ANO1: variants seen among roughly 807,000 people sequenced by gnomAD.
ANO1 encodes the protein anoctamin-1.
ANO1 carries 59 observed loss-of-function variants against 124.0 expected under a neutral mutation model. The ratio of observed to expected loss-of-function variants is 0.48; its 90% CI spans 0.39 to 0.59. The LOEUF (loss-of-function observed/expected upper bound fraction) is 0.59, where lower values mean the gene tolerates loss of function less well. ANO1 is among the 20% of genes least tolerant of loss of function. ANO1 has a pLI of 0.00. For synonymous variants in ANO1, 529 were observed against 532.0 expected (o/e 0.99, Z 0.08); for missense variants, 1,059 against 1,328.0 (o/e 0.80, Z 3.15).
At chr11:70,150,386 A>G (rs2047556857) in intron 12 of ANO1, among the ~76,000 whole-genome samples, 1 of 152,340 alleles carries the variant, frequency 6.6e-6, no homozygotes, top group Middle Eastern at 3.4e-3. Flanking sequence ...ACTCCCAGGG[A>G]TCCCAAGTCC....
chr11:70,167,215 C>T (rs762098312), intron 20 of ANO1, 27 bp from the exon 21 acceptor site: 4 of 1,612,572 alleles, frequency 2.5e-6, no homozygotes, highest in South Asian at 1.1e-5. Flanking sequence ...TCCTGCAAAC[C>T]TAACTGCATG....
At chr11:70,126,982 G>A (rs1312770355) in intron 10 of ANO1, among the ~76,000 whole-genome samples, 3 of 119,800 alleles carry the variant, frequency 2.5e-5, no homozygotes, top group East Asian at 2.7e-4. Context: ...ACTTGCGGGA[G>A]GTGAGACATG....
intron 22 of ANO1, among the ~76,000 whole-genome samples, chr11:70,176,792 C>A (rs942013383): frequency 6.6e-6 from 1 of 152,060 alleles, no homozygotes; most frequent in Admixed American, 6.5e-5. Context: ...GTTCGGGGGA[C>A]CCTTAGAATT....
At chr11:70,052,913 G>A (rs1475159064) in intron 1 of ANO1, among the ~76,000 whole-genome samples, 1 of 152,064 alleles carries the variant, frequency 6.6e-6, no homozygotes, top group Non-Finnish European at 1.5e-5. Flanking sequence ...GGACCATCCT[G>A]CCATTCATTC....
At chr11:70,126,534 T>G (rs1347718566) in intron 10 of ANO1, among the ~76,000 whole-genome samples, 1 of 152,254 alleles carries the variant, frequency 6.6e-6, no homozygotes, top group Non-Finnish European at 1.5e-5. Flanking sequence ...TCTGTTTCCT[T>G]GTGTGGCCGG....
At chr11:70,045,952 A>C (rs1163916932) in intron 1 of ANO1, among the ~76,000 whole-genome samples, 2 of 152,160 alleles carry the variant, frequency 1.3e-5, no homozygotes, top group Admixed American at 1.3e-4. Context: ...TGGACATCTA[A>C]CTCATGTCAA....
At chr11:70,101,585 C>CA (rs71463659) in intron 2 of ANO1, among the ~76,000 whole-genome samples, 19,502 of 75,776 alleles carry the variant, frequency 0.26, 2,272 homozygotes, top group East Asian at 0.4. Flanking sequence ...GATTAAAAAC[C>CA]AAAAAAAAAA....
chr11:70,026,619 T>C (rs34568988), intron 1 of ANO1, among the ~76,000 whole-genome samples: 117,054 of 151,962 alleles, frequency 0.77, 45,401 homozygotes, highest in East Asian at 0.94. Flanking sequence ...GATATCACCC[T>C]TGCTGCCATC....
intron 1 of ANO1, among the ~76,000 whole-genome samples, chr11:70,071,768 C>T (rs1003096428): frequency 2.6e-5 from 4 of 152,076 alleles, no homozygotes; most frequent in Admixed American, 2.0e-4. Flanking sequence ...GGATTATAGG[C>T]ACGCACCACC....
chr11:70,034,175 A>T (rs12294626), intron 1 of ANO1, among the ~76,000 whole-genome samples: 1 of 152,032 alleles, frequency 6.6e-6, no homozygotes, highest in Non-Finnish European at 1.5e-5. Context: ...AAATCTTACC[A>T]TCTGGCCCTT....
intron 1 of ANO1, chr11:70,085,488 T>G (rs1565182693): frequency 6.5e-7 from 1 of 1,536,036 alleles, no homozygotes; most frequent in Non-Finnish European, 8.7e-7. Flanking sequence ...GAGAAGTCAG[T>G]TGCTTAGTTT....
intron 24 of ANO1, among the ~76,000 whole-genome samples, chr11:70,185,377 G>C (rs539022911): frequency 6.6e-6 from 1 of 152,288 alleles, no homozygotes; most frequent in East Asian, 1.9e-4. Context: ...GTCCTGCCTG[G>C]CCCATGGGGG....
In ANO1 at chr11:70,173,399, C is replaced by G. The variant is rs11607218; in HGVS notation, c.2350+2360C>G. Reference sequence around the variant, plus strand: ...AATGAAGACTCAGAACACAGACACTCTATACTAAACTGCCCTGTGAGATTT... The same window carrying G: ...AATGAAGACTCAGAACACAGACACTGTATACTAAACTGCCCTGTGAGATTT... On this transcript the variant is annotated intron_variant, in intron 22 of 25. Transcript: ENST00000355303. Among the ~76,000 whole-genome samples the G allele has an allele frequency of 5.0e-3, 764 of 151,498 alleles. 4 individuals are homozygous for G. The highest frequency in any genetic ancestry group is 8.5e-3 in the Non-Finnish European group (575 of 68,008).
rs533917729 is a variant in ANO1 at position 70,170,948 on chromosome 11, G to T, written c.2259G>T (p.Ala753=). Residue 753 remains alanine (A), a synonymous_variant, in exon 22 of 26, where the codon GCG becomes GCT. Transcript: ENST00000355303. ...CCTTCCCCCTGGCCCCACTGTTTGC[G>T]CTGCTGAACAACATCATCGAGATCC... The part of the protein sequence containing the change: ...VASFPLAPLF[A]LLNNIIEIRL... 2 of 1,613,256 alleles carry T rather than the reference G, an allele frequency of 1.2e-6. No individual in the cohort carries two copies.
At chr11:69,970,407 A>T in the ANO1 span, among the ~76,000 whole-genome samples, 1 of 152,206 alleles carries the variant, frequency 6.6e-6, no homozygotes, top group Admixed American at 6.5e-5. Context: ...TCACTTTCCA[A>T]GTGCCACCAG....
intron 23 of ANO1, among the ~76,000 whole-genome samples, chr11:70,181,336 ACACT>A (rs1049728655): frequency 6.6e-6 from 1 of 151,862 alleles, no homozygotes; most frequent in Non-Finnish European, 1.5e-5. Flanking sequence ...GCAGGGGGTG[ACACT>A]CAGCCCCGGA....
At chr11:69,968,713 C>T in the ANO1 span, among the ~76,000 whole-genome samples, 1 of 152,202 alleles carries the variant, frequency 6.6e-6, no homozygotes, top group Non-Finnish European at 1.5e-5. Flanking sequence ...CCACTCACAC[C>T]TAGAGGGCAT....
intron 1 of ANO1, chr11:70,085,311 C>T: frequency 1.5e-6 from 2 of 1,371,832 alleles, no homozygotes; most frequent in Non-Finnish European, 1.9e-6. Context: ...CAGCCCTCCC[C>T]CACCCTTCCC....
chr11:70,058,903 G>A (rs1236595164), intron 1 of ANO1, among the ~76,000 whole-genome samples: 1 of 152,084 alleles, frequency 6.6e-6, no homozygotes, highest in Non-Finnish European at 1.5e-5. Context: ...ACTATTGTCC[G>A]CCGAGTGCGG....
Sources: gnomAD v4.1 joint callset for allele counts (sites outside exome capture counted in the v4.1 genomes callset) on GRCh38, gnomAD v4.1.1 for gene constraint, MANE v1.5 for transcripts, NCBI Gene and HGNC (gene_info 2026-07-23, HGNC 2026-07-21) for gene names.